Variants in MAN1A2 observed in about 807,000 individuals in gnomAD.
MAN1A2 encodes mannosidase alpha class 1A member 2.
MAN1A2 carries 26 observed loss-of-function variants against 75.7 expected under a neutral mutation model. The observed-to-expected ratio is 0.34, with a 90% confidence interval of 0.25 to 0.48. The LOEUF (loss-of-function observed/expected upper bound fraction) is 0.48. MAN1A2 is among the 20% of genes least tolerant of loss of function. The pLI is 0.99. For missense variants in MAN1A2, 562 were observed against 775.5 expected (o/e 0.72, Z 3.27); for synonymous variants, 247 against 264.6 (o/e 0.93, Z 0.65).
intron 5 of MAN1A2, among the ~76,000 whole-genome samples, chr1:117,441,878 C>T (rs1001796702): frequency 2.0e-5 from 3 of 152,116 alleles, no homozygotes; most frequent in African/African-American, 7.2e-5. Flanking sequence ...TTACCTCTTT[C>T]TTTTGTTTAT....
intron 8 of MAN1A2, among the ~76,000 whole-genome samples, chr1:117,473,498 A>T (rs1236763829): frequency 6.6e-6 from 1 of 152,002 alleles, no homozygotes; most frequent in Non-Finnish European, 1.5e-5. Flanking sequence ...ACTCTTCATT[A>T]CTTTTCATGT....
At chr1:117,478,653 C>T (rs1650396183) in intron 8 of MAN1A2, among the ~76,000 whole-genome samples, 1 of 151,922 alleles carries the variant, frequency 6.6e-6, no homozygotes. Flanking sequence ...ATTTCAGCAT[C>T]ATTGGTTGAA....
intron 3 of MAN1A2, among the ~76,000 whole-genome samples, chr1:117,409,524 G>A (rs1254691023): frequency 1.3e-5 from 2 of 148,812 alleles, no homozygotes; most frequent in Admixed American, 1.3e-4. Flanking sequence ...TAGAAAGAAT[G>A]GTATGTGTAT....
intron 1 of MAN1A2, among the ~76,000 whole-genome samples, chr1:117,386,593 A>C (rs1653531299): frequency 6.6e-6 from 1 of 152,004 alleles, no homozygotes; most frequent in Non-Finnish European, 1.5e-5. Context: ...CACTGTCTGC[A>C]CCCTCTGGCT....
intron 12 of MAN1A2, chr1:117,515,975 A>C (rs1306716908): frequency 6.6e-6 from 1 of 152,156 alleles, no homozygotes; most frequent in Non-Finnish European, 1.5e-5. Flanking sequence ...CATGCTAAAA[A>C]GGGAATTATA....
In MAN1A2 at chr1:117,506,814, G is replaced by T. The variant is rs116011711; in HGVS notation, c.1793+3844G>T. On this transcript the variant is annotated intron_variant, in intron 12 of 12. Transcript: ENST00000356554. Reference sequence around the variant, plus strand: ...GTAATAGCTATAAAGTAGACCATGGGATATTAAGAATGAGATGAGAGCTCT... The same window carrying T: ...GTAATAGCTATAAAGTAGACCATGGTATATTAAGAATGAGATGAGAGCTCT... Among the ~76,000 whole-genome samples the T allele has an allele frequency of 7.3e-3, 1,109 of 151,516 alleles. 18 individuals are homozygous for T. Among genetic ancestry groups the T allele is most frequent in the African/African-American group, 0.026 (1,061 of 41,432 alleles).
Position 117,493,011 on chromosome 1 carries a change from T to C in MAN1A2, c.1169-136T>C, listed in dbSNP as rs556304259. The C allele has an allele frequency of 3.1e-5, 18 of 587,604 alleles. No individual in the cohort carries two copies. The South Asian group carries it at 3.7e-4, about 12-fold the overall frequency. The allele number at this position is 587,604 out of a possible 1,614,324, so 36.4% of individuals were successfully genotyped here. A position where few individuals can be genotyped will look rare whatever the true frequency, so the allele number is the denominator to read the frequency against. On this transcript the variant is annotated intron_variant, in intron 8 of 12. Transcript: ENST00000356554. ...TACTTCTGGGACTAAATTTGAAGTA[T>C]GTTGGAAATAGGGTTGTCAATGTAA...
At chr1:117,403,432 T>C (rs1647508206) in intron 2 of MAN1A2, among the ~76,000 whole-genome samples, 1 of 152,184 alleles carries the variant, frequency 6.6e-6, no homozygotes, top group African/African-American at 2.4e-5. Context: ...ATAGATTTTT[T>C]TTCAGATGCC....
intron 1 of MAN1A2, among the ~76,000 whole-genome samples, chr1:117,401,511 A>G (rs1647428099): frequency 6.6e-6 from 1 of 152,178 alleles, no homozygotes; most frequent in African/African-American, 2.4e-5. Context: ...TCTCTTTCAC[A>G]AAAGTAGGGC....
At chr1:117,515,017 T>C in intron 12 of MAN1A2, 1 of 435,948 alleles carries the variant, frequency 2.3e-6, no homozygotes, top group South Asian at 1.9e-5. Flanking sequence ...AATTAAAGTA[T>C]ATGAAATGTA....
At chr1:117,384,194 C>G (rs1439828006) in intron 1 of MAN1A2, among the ~76,000 whole-genome samples, 1 of 151,884 alleles carries the variant, frequency 6.6e-6, no homozygotes, top group Non-Finnish European at 1.5e-5. Context: ...ACCTCTTTTT[C>G]TAGTTCTTTA....
At chr1:117,495,463 T>G (rs1651010728) in intron 9 of MAN1A2, among the ~76,000 whole-genome samples, 1 of 151,912 alleles carries the variant, frequency 6.6e-6, no homozygotes, top group Non-Finnish European at 1.5e-5. Flanking sequence ...ATTTTTAAAC[T>G]TTGTCTTTCT....
At chr1:117,398,594 A>T (rs1647294700) in intron 1 of MAN1A2, among the ~76,000 whole-genome samples, 1 of 151,916 alleles carries the variant, frequency 6.6e-6, no homozygotes, top group African/African-American at 2.4e-5. Flanking sequence ...GACTCTGTTG[A>T]ATCTGGGAGG....
rs1651131828 is a variant in MAN1A2, at chr1:117,499,377, T to C, written c.1505-5T>C. On this transcript the variant is annotated splice_polypyrimidine_tract_variant and splice_region_variant and intron_variant, in intron 10 of 12. Transcript: ENST00000356554. ...TGCTCAGTTATTTCTTTTGTCATGT[T>C]ACAGCATTAAAGCTAGGTCCTGAAT... 2 of 1,557,072 alleles carry C rather than the reference T, an allele frequency of 1.3e-6. No individual in the cohort carries two copies. The highest frequency in any genetic ancestry group is 1.4e-5 in the African/African-American group (1 of 71,696).
intron 10 of MAN1A2, among the ~76,000 whole-genome samples, chr1:117,498,064 G>A (rs569496291): frequency 1.3e-5 from 2 of 150,678 alleles, no homozygotes; most frequent in African/African-American, 2.5e-5. Flanking sequence ...AACTAAATAA[G>A]GGTTCCATTT....
intron 8 of MAN1A2, among the ~76,000 whole-genome samples, chr1:117,474,132 G>T (rs1650245051): frequency 6.6e-6 from 1 of 151,998 alleles, no homozygotes; most frequent in South Asian, 2.1e-4. Context: ...GGTTGGACAA[G>T]TGGGATTACC....
In MAN1A2 at chr1:117,446,652, A is replaced by G. The variant is rs150371380; in HGVS notation, c.950+4327A>G. On this transcript the variant is annotated intron_variant, in intron 6 of 12. Coordinates refer to ENST00000356554, the MANE Select transcript of MAN1A2 (RefSeq NM_006699.5). ...ATTTCATTGTGATCATAAAAATTAC[A>G]ATTTGAATCCTTTCAAATTTATTAC... Among the ~76,000 whole-genome samples, 74 of 152,110 alleles carry G rather than the reference A, an allele frequency of 4.9e-4. No individual in the cohort carries two copies. The East Asian group carries it at 0.013, about 27-fold the overall frequency.
chr1:117,516,368 A>G (rs553933299), intron 12 of MAN1A2, among the ~76,000 whole-genome samples: 2 of 152,326 alleles, frequency 1.3e-5, no homozygotes, highest in African/African-American at 4.8e-5. Flanking sequence ...GAAGACAGAA[A>G]GGAACTAGTC....
chr1:117,487,693 A>G (rs1650756330), intron 8 of MAN1A2, among the ~76,000 whole-genome samples: 1 of 152,080 alleles, frequency 6.6e-6, no homozygotes. Context: ...ATATTTCAAA[A>G]TAGTTAAAAT....
Sources: allele counts gnomAD v4.1 joint callset (sites outside exome capture counted in the v4.1 genomes callset), GRCh38; gene constraint gnomAD v4.1.1; transcripts MANE v1.5; gene names NCBI Gene and HGNC (gene_info 2026-07-23, HGNC 2026-07-21).